Variants in CELSR1 observed in about 807,000 individuals in gnomAD.
CELSR1 encodes adhesion G protein-coupled receptor C1.
In CELSR1, 110 loss-of-function variants were observed where a neutral mutation model predicts 249.1. The observed-to-expected ratio is 0.44, with a 90% CI of 0.38 to 0.52. The LOEUF (loss-of-function observed/expected upper bound fraction) is 0.52, where lower values mean the gene tolerates loss of function less well. Ranked by LOEUF, CELSR1 falls within the 20% of genes least tolerant of loss-of-function variation. The pLI is 0.00. For synonymous variants in CELSR1, 2,113 were observed against 1,900.0 expected, an observed-to-expected ratio of 1.11 and a Z score of -2.92; for missense variants, 4,109 against 4,296.4, an observed-to-expected ratio of 0.96 and a Z score of 1.22.
chr22:46,509,594 T>C (rs578073512), intron 1 of CELSR1, among the ~76,000 whole-genome samples: 9 of 152,390 alleles, frequency 5.9e-5, no homozygotes, highest in Middle Eastern at 3.4e-3. Flanking sequence ...CACTGCTCTG[T>C]ACCCAGCAGT....
Position 46,454,728 on chromosome 22 carries a change from G to A in CELSR1, c.4183+8979C>T, listed in dbSNP as rs900174551. Among the ~76,000 whole-genome samples, 1 of 152,226 alleles carries A rather than the reference G, an allele frequency of 6.6e-6. No homozygotes were observed. The highest frequency in any genetic ancestry group is 2.4e-5 in the African/African-American group (1 of 41,464). On this transcript the variant is annotated intron_variant, in intron 2 of 34. Transcript: ENST00000674500. This position sits in a 1 kb window ranked among gnomAD's most constrained non-coding sequence, Gnocchi z 5.1. ...TAGCGTTCGCAAAGGTAAACACATCGCAGAAACCTGCCTCCCACCCTGGAG... is the reference window on the plus strand; with the variant it reads ...TAGCGTTCGCAAAGGTAAACACATCACAGAAACCTGCCTCCCACCCTGGAG...
rs962928619 is a variant in CELSR1, at chr22:46,396,964, G to A, written c.5702-218C>T. ...GCCTTCCCGGGCTGCCCCAAGGAGG[G>A]TGAGAGCCTTGGAACACGGGGCCCA... is the stretch of plus-strand genomic sequence containing the variant. On this transcript the variant is annotated intron_variant, in intron 12 of 34. Transcript: ENST00000674500. The surrounding 1 kb of genome is among the most constrained non-coding windows in gnomAD (Gnocchi z 6.4). Among the ~76,000 whole-genome samples the A allele has an allele frequency of 4.6e-5, 7 of 152,124 alleles. No individual in the cohort carries two copies. The East Asian group carries it at 1.2e-3, about 25-fold the overall frequency.
chr22:46,514,103 A>G (rs897319346), intron 1 of CELSR1, among the ~76,000 whole-genome samples: 1 of 151,550 alleles, frequency 6.6e-6, no homozygotes, highest in African/African-American at 2.4e-5. Context: ...CTCATTTGTA[A>G]TTTTTCACAG....
At chr22:46,522,310 T>A (rs1163893261) in intron 1 of CELSR1, among the ~76,000 whole-genome samples, 4 of 152,094 alleles carry the variant, frequency 2.6e-5, no homozygotes, top group Non-Finnish European at 5.9e-5. Flanking sequence ...ATATTTTGTA[T>A]ATTTTTTTGG....
chr22:46,425,395 G>A (rs1421535666), intron 5 of CELSR1, among the ~76,000 whole-genome samples: 2 of 152,314 alleles, frequency 1.3e-5, no homozygotes, highest in South Asian at 2.1e-4. Flanking sequence ...GAATTCTCTT[G>A]TGAAGCCATC....
At position 46,534,471 on chromosome 22, in the gene CELSR1, G is replaced by A. The variant is rs1366679723; in HGVS notation, c.2700C>T (p.Ser900=). ...PQFLWDFYQG[S]IFEDAPPSTS... ...TCGAGGGTGGAGCATCCTCAAAGAT[G>A]GAACCCTGGTAGAAATCCCACAGGA... Residue 900 remains serine (S), a synonymous_variant, in exon 1 of 35, where the codon TCC becomes TCT. Transcript: ENST00000674500. The surrounding 1 kb of genome is among the most constrained non-coding windows in gnomAD (Gnocchi z 9.7). 1 of 1,613,154 alleles carries A rather than the reference G, an allele frequency of 6.2e-7. No homozygotes were observed. Among genetic ancestry groups the A allele is most frequent in the Non-Finnish European group, 8.5e-7 (1 of 1,180,016 alleles).
In CELSR1 at chr22:46,428,412, T is replaced by A. The variant is rs1450477726; in HGVS notation, c.4611+4981A>T. On this transcript the variant is annotated intron_variant, in intron 5 of 34. Transcript: ENST00000674500. This position sits in a 1 kb window ranked among gnomAD's most constrained non-coding sequence, Gnocchi z 5.7. ...TGCCGAGTGCCCCTTGGAGACCACC[T>A]GCTGCCCACGTAGAGGCTGCTGCCT... Among the ~76,000 whole-genome samples the A allele has an allele frequency of 6.6e-6, 1 of 152,212 alleles. No individual in the cohort carries two copies. The highest frequency in any genetic ancestry group is 1.5e-5 in the Non-Finnish European group (1 of 68,036).
At chr22:46,495,825 A>G (rs930851171) in intron 1 of CELSR1, among the ~76,000 whole-genome samples, 7 of 151,930 alleles carry the variant, frequency 4.6e-5, no homozygotes, top group African/African-American at 1.5e-4. Context: ...CAAAAAATAT[A>G]TTTTTTTTTC....
rs1008696406 is a variant in CELSR1 at position 46,393,615 on chromosome 22, A to G, written c.5964+527T>C. On this transcript the variant is annotated intron_variant, in intron 14 of 34. Transcript: ENST00000674500. This position sits in a 1 kb window ranked among gnomAD's most constrained non-coding sequence, Gnocchi z 4.1. ...TAGCTGGGCATGGTGGTGGGCGCCT[A>G]TAATCCCAGCTACTCAGGAGGCTGA... 2.6e-5 allele frequency among the ~76,000 whole-genome samples: 4 copies of G among 152,044 alleles called. No individual in the cohort carries two copies. The highest frequency in any genetic ancestry group is 2.1e-4 in the South Asian group (1 of 4,824).
At position 46,377,052 on chromosome 22, in the gene CELSR1, T is replaced by C. The variant is rs117272906; in HGVS notation, c.7584+9A>G. ...CCAGACAGTGGGGAGGGGAGCAGAG[T>C]GGCCATACCGGGTTTTCCGTCTGGT... On this transcript the variant is annotated intron_variant, in intron 24 of 34. Coordinates refer to ENST00000674500, the MANE Select transcript of CELSR1 (RefSeq NM_001378328.1). The C allele has an allele frequency of 6.2e-7, 1 of 1,611,866 alleles. No homozygotes were observed. The highest frequency in any genetic ancestry group is 8.5e-7 in the Non-Finnish European group (1 of 1,179,622).
intron 25 of CELSR1, among the ~76,000 whole-genome samples, chr22:46,372,172 C>T (rs921315887): frequency 6.6e-6 from 1 of 150,948 alleles, no homozygotes; most frequent in African/African-American, 2.4e-5. Context: ...CACTCACTCA[C>T]CCCTCACCCA....
rs1253149971 is a variant in CELSR1 at position 46,429,020 on chromosome 22, C to T, written c.4611+4373G>A. On this transcript the variant is annotated intron_variant, in intron 5 of 34. Coordinates refer to ENST00000674500, the MANE Select transcript of CELSR1 (RefSeq NM_001378328.1). This position sits in a 1 kb window ranked among gnomAD's most constrained non-coding sequence, Gnocchi z 4.1. The stretch of plus-strand genomic sequence containing the variant: ...GGCACGTCTGTGTCCCCGACCCTGC[C>T]AGGAGCTCCTGGAACAAGGTGGGGT... Among the ~76,000 whole-genome samples the T allele has an allele frequency of 6.6e-6, 1 of 152,174 alleles. No homozygotes were observed. The highest frequency in any genetic ancestry group is 2.4e-5 in the African/African-American group (1 of 41,446).
At position 46,407,268 on chromosome 22, in the gene CELSR1, C is replaced by T. The variant is rs779103184; in HGVS notation, c.5226+1728G>A. 1.3e-5 allele frequency among the ~76,000 whole-genome samples: 2 copies of T among 152,152 alleles called. No homozygotes were observed. The highest frequency in any genetic ancestry group is 2.4e-5 in the African/African-American group (1 of 41,436). ...GCACACAGACATGCACAAATGTGCACGCATGGAGAGATGCACATACACAGA... is the reference window on the plus strand; with the variant it reads ...GCACACAGACATGCACAAATGTGCATGCATGGAGAGATGCACATACACAGA... On this transcript the variant is annotated intron_variant, in intron 9 of 34. Transcript: ENST00000674500. The surrounding 1 kb of genome is among the most constrained non-coding windows in gnomAD (Gnocchi z 4.8).
intron 1 of CELSR1, among the ~76,000 whole-genome samples, chr22:46,499,938 A>G (rs1415201443): frequency 1.3e-5 from 2 of 152,138 alleles, no homozygotes; most frequent in Non-Finnish European, 2.9e-5. Flanking sequence ...GCCAGGCTCC[A>G]GGAGTGACCA....
chr22:46,398,744 C>T lies in CELSR1; in HGVS notation c.5413-107G>A. On this transcript the variant is annotated intron_variant, in intron 10 of 34. Coordinates refer to ENST00000674500, the MANE Select transcript of CELSR1 (RefSeq NM_001378328.1). The surrounding 1 kb of genome is among the most constrained non-coding windows in gnomAD (Gnocchi z 7.2). ...AAGTCTAAACAGTCACTTCAACAAA[C>T]TCCGCAGAGCCTGAGGACATCTGGG... 1 of 818,370 alleles carries T rather than the reference C, an allele frequency of 1.2e-6. No homozygotes were observed. Among genetic ancestry groups the T allele is most frequent in the African/African-American group, 1.7e-5 (1 of 57,508 alleles). 50.7% of individuals were successfully genotyped at this position (818,370 alleles called of 1,614,324 possible).
intron 18 of CELSR1, among the ~76,000 whole-genome samples, chr22:46,386,968 G>A (rs2079040607): frequency 6.6e-6 from 1 of 152,154 alleles, no homozygotes; most frequent in Admixed American, 6.5e-5. Flanking sequence ...ATGTTGGCCA[G>A]GCTGGTTTTG....
intron 1 of CELSR1, among the ~76,000 whole-genome samples, chr22:46,475,247 A>G (rs1350379755): frequency 6.6e-6 from 1 of 152,142 alleles, no homozygotes; most frequent in African/African-American, 2.4e-5. Flanking sequence ...ATTATTACTG[A>G]AAAAAACCCA....
chr22:46,452,016 CA>C (rs1569173129), intron 2 of CELSR1, among the ~76,000 whole-genome samples: 3 of 152,182 alleles, frequency 2.0e-5, no homozygotes, highest in Non-Finnish European at 4.4e-5. Context: ...GCCGGGGAGG[CA>C]GGGGGGCTCC....
At chr22:46,523,413 A>G (rs1241743170) in intron 1 of CELSR1, among the ~76,000 whole-genome samples, 1 of 152,000 alleles carries the variant, frequency 6.6e-6, no homozygotes, top group Non-Finnish European at 1.5e-5. Context: ...CCTGTAGTCC[A>G]GATACCCAAG....
Sources: gnomAD v4.1 joint callset for allele counts (sites outside exome capture counted in the v4.1 genomes callset) on GRCh38, gnomAD v4.1.1 for gene constraint, Gnocchi (gnomAD v3.1) non-coding constraint, MANE v1.5 for transcripts, NCBI Gene and HGNC (gene_info 2026-07-23, HGNC 2026-07-21) for gene names.